Variants in FRMPD4 observed in about 807,000 individuals in gnomAD.
The protein encoded by FRMPD4 is FERM and PDZ domain containing 4, also known as FERM and PDZ domain-containing protein 4.
In FRMPD4, 22 loss-of-function variants were observed where a neutral mutation model predicts 94.1. The observed-to-expected ratio is 0.23, with a 90% CI of 0.17 to 0.33. The LOEUF (loss-of-function observed/expected upper bound fraction) is 0.33. Among genes scored for constraint, FRMPD4 ranks in the 10% least tolerant of loss-of-function variants. The pLI, the probability that FRMPD4 is intolerant of heterozygous loss-of-function variation, is 1.00. For missense variants in FRMPD4, 1,111 were observed against 1,339.9 expected, an observed-to-expected ratio of 0.83 and a Z score of 2.67; for synonymous variants, 631 against 548.6, an observed-to-expected ratio of 1.15 and a Z score of -2.10.
intron 3 of FRMPD4, among the ~76,000 whole-genome samples, chrX:12,023,903 C>T (rs892376270): frequency 6.3e-5 from 7 of 111,806 alleles, no homozygotes; most frequent in Admixed American, 1.9e-4. Context: ...GATGCCCATT[C>T]GCTTTGTTCC....
intron 1 of FRMPD4, among the ~76,000 whole-genome samples, chrX:12,347,465 G>A (rs2055731922): frequency 9.0e-6 from 1 of 110,529 alleles, no homozygotes; most frequent in Non-Finnish European, 1.9e-5. Flanking sequence ...CGAACTCCTG[G>A]CTTCAAATGT....
chrX:12,575,703 G>T (rs988176669), intron 2 of FRMPD4, among the ~76,000 whole-genome samples: 1 of 112,096 alleles, frequency 8.9e-6, no homozygotes, highest in Admixed American at 9.4e-5. Context: ...CACAGATTCA[G>T]TGTAATCACA....
At chrX:12,629,869 T>C (rs1175619463) in intron 4 of FRMPD4, among the ~76,000 whole-genome samples, 1 of 111,959 alleles carries the variant, frequency 8.9e-6, no homozygotes, top group African/African-American at 3.3e-5. Context: ...GGGTAGGAGA[T>C]TGGAGCACAA....
rs1249056364 is a variant in FRMPD4, at chrX:12,655,509, C to T, written c.423-19354C>T. 1.1e-4 allele frequency among the ~76,000 whole-genome samples: 12 copies of T among 112,040 alleles called. No homozygotes were observed. The Admixed American group carries it at 1.1e-3, about 11-fold the overall frequency. ...CAGCATTGTCCAACATATCATGCTG[C>T]CATGATACAGTATGGTAGCCTCTAG... On this transcript the variant is annotated intron_variant, in intron 4 of 16. Transcript: ENST00000675598.
At chrX:12,471,675 G>A (rs914410985) in intron 1 of FRMPD4, among the ~76,000 whole-genome samples, 18 of 111,916 alleles carry the variant, frequency 1.6e-4, no homozygotes, top group East Asian at 2.8e-4. Flanking sequence ...GAGATTTGAC[G>A]ACAATGAGTT....
chrX:12,675,607 C>T (rs954589298), intron 5 of FRMPD4, among the ~76,000 whole-genome samples: 4 of 111,436 alleles, frequency 3.6e-5, no homozygotes, highest in Admixed American at 9.6e-5. Context: ...CAATTAATCC[C>T]TGTTGCCACA....
At chrX:12,051,389 C>T (rs185668974) in intron 3 of FRMPD4, among the ~76,000 whole-genome samples, 10 of 111,342 alleles carry the variant, frequency 9.0e-5, no homozygotes, top group Non-Finnish European at 1.1e-4. Context: ...TTAGATAAAA[C>T]CTTTTATGAT....
intron 1 of FRMPD4, among the ~76,000 whole-genome samples, chrX:12,296,741 G>A (rs1440870571): frequency 1.8e-5 from 2 of 112,386 alleles, no homozygotes; most frequent in African/African-American, 3.2e-5. Flanking sequence ...ATCCCCCAGC[G>A]TCCCTGGGGT....
intron 9 of FRMPD4, among the ~76,000 whole-genome samples, chrX:12,697,593 A>G (rs764273948): frequency 1.9e-4 from 21 of 112,546 alleles, no homozygotes; most frequent in Admixed American, 4.7e-4. Context: ...TCTTAAGTAG[A>G]CAAGGAGTAC....
chrX:12,567,444 T>A (rs188312078), intron 2 of FRMPD4, among the ~76,000 whole-genome samples: 1 of 112,736 alleles, frequency 8.9e-6, no homozygotes, highest in East Asian at 2.8e-4. Flanking sequence ...TATCTATTTC[T>A]TAAACACTTA....
Position 12,722,810 on chromosome X carries a change from A to G in FRMPD4, c.*952A>G. 1 of 111,956 alleles carries G rather than the reference A, an allele frequency of 8.9e-6. No homozygotes were observed. Among genetic ancestry groups the G allele is most frequent in the East Asian group, 2.8e-4 (1 of 3,588 alleles). 9.2% of individuals were successfully genotyped at this position (111,956 alleles called of 1,213,427 possible). A position where few individuals can be genotyped will look rare whatever the true frequency, so the allele number is the denominator to read the frequency against. ...GTAAAGTATTTGCAAACTTAAAAAA[A>G]GGAACATTTAATGATCATCAAAATT... On this transcript the variant is annotated 3_prime_UTR_variant, in exon 17 of 17. Transcript: ENST00000675598.
chrX:11,879,195 C>G (rs2053800847), intron 3 of FRMPD4, among the ~76,000 whole-genome samples: 1 of 111,974 alleles, frequency 8.9e-6, no homozygotes, highest in African/African-American at 3.2e-5. Flanking sequence ...TCCCCAAAAG[C>G]TGTTGGCTTG....
intron 2 of FRMPD4, among the ~76,000 whole-genome samples, chrX:12,577,154 G>T (rs907097891): frequency 9.0e-6 from 1 of 111,469 alleles, no homozygotes; most frequent in African/African-American, 3.3e-5. Context: ...TTAATCCACA[G>T]CTGTTTATTA....
chrX:12,589,874 G>T (rs2058965565), intron 2 of FRMPD4, among the ~76,000 whole-genome samples: 1 of 111,847 alleles, frequency 8.9e-6, no homozygotes, highest in Non-Finnish European at 1.9e-5. Context: ...ACAGCGCAAA[G>T]CTCCGTAGCA....
chrX:12,717,977 G>A lies in FRMPD4; in HGVS notation c.3151G>A (p.Gly1051Arg). 8.3e-7 allele frequency: 1 copy of A among 1,211,896 alleles called. No homozygotes were observed. Among genetic ancestry groups the A allele is most frequent in the East Asian group, 3.0e-5 (1 of 33,839 alleles). The change falls in exon 16 of 17, where the codon GGG becomes AGG. Residue 1051 changes from glycine (G) to arginine (R), a missense_variant. Physicochemically the swap from Gly to Arg is moderately radical, Grantham distance 125. Coordinates refer to ENST00000675598, the MANE Select transcript of FRMPD4 (RefSeq NM_001368397.1). ...NGNTTGKKQQ[G>R]TKTAEMEEEA... Reference sequence around the variant, plus strand: ...GAACACAACAGGAAAAAAACAGCAGGGGACCAAAACGGCAGAGATGGAGGA... The same window carrying A: ...GAACACAACAGGAAAAAAACAGCAGAGGACCAAAACGGCAGAGATGGAGGA...
intron 3 of FRMPD4, among the ~76,000 whole-genome samples, chrX:11,927,237 G>A (rs1176590955): frequency 9.0e-6 from 1 of 110,944 alleles, no homozygotes; most frequent in Non-Finnish European, 1.9e-5. Context: ...ACTGCTCAAA[G>A]AAATCAGACA....
At chrX:11,999,321 A>G (rs1027719004) in intron 3 of FRMPD4, among the ~76,000 whole-genome samples, 4 of 112,018 alleles carry the variant, frequency 3.6e-5, no homozygotes, top group African/African-American at 9.7e-5. Context: ...TGCTAGCTAT[A>G]CAACATCCAA....
chrX:12,350,618 C>T (rs1412893968), intron 1 of FRMPD4, among the ~76,000 whole-genome samples: 1 of 112,178 alleles, frequency 8.9e-6, no homozygotes, highest in Admixed American at 9.4e-5. Context: ...CGGATATGAA[C>T]TGAATGTCGA....
intron 3 of FRMPD4, among the ~76,000 whole-genome samples, chrX:11,929,099 T>C (rs1270396974): frequency 1.8e-5 from 2 of 112,111 alleles, no homozygotes; most frequent in African/African-American, 6.5e-5. Context: ...CTGGGGACTG[T>C]CAGAGGGTGG....
Sources: allele counts gnomAD v4.1 joint callset (sites outside exome capture counted in the v4.1 genomes callset), GRCh38; gene constraint gnomAD v4.1.1; transcripts MANE v1.5; gene names NCBI Gene and HGNC (gene_info 2026-07-23, HGNC 2026-07-21).